The following ANO2 variants were observed in gnomAD, a reference collection of about 807,000 sequenced individuals.
The protein encoded by ANO2 is anoctamin-2.
ANO2 carries 101 observed loss-of-function variants against 124.2 expected under a neutral mutation model. The ratio of observed to expected loss-of-function variants is 0.81; its 90% CI spans 0.69 to 0.96. The LOEUF (loss-of-function observed/expected upper bound fraction) is 0.96, where lower values mean the gene tolerates loss of function less well. Ranked by LOEUF, ANO2 falls within the 40% of genes least tolerant of loss-of-function variation. The probability of loss-of-function intolerance (pLI) is 0.00; values close to 1 mark genes in which losing one functional copy is unlikely to be tolerated. For missense variants in ANO2, 1,293 were observed against 1,274.5 expected (o/e 1.01, Z -0.22); for synonymous variants, 486 against 482.5 (o/e 1.01, Z -0.09).
At chr12:5,579,978 T>C (rs1942649074) in intron 20 of ANO2, among the ~76,000 whole-genome samples, 1 of 152,204 alleles carries the variant, frequency 6.6e-6, no homozygotes, top group Non-Finnish European at 1.5e-5. Context: ...GCCATCACTG[T>C]GTGCTTCTGT....
intron 20 of ANO2, among the ~76,000 whole-genome samples, chr12:5,587,423 T>A (rs1193354845): frequency 6.6e-6 from 1 of 152,210 alleles, no homozygotes; most frequent in Non-Finnish European, 1.5e-5. Flanking sequence ...AAAAGTCAAA[T>A]GGCTGCAAGT....
chr12:5,855,513 G>T (rs1445635745), intron 3 of ANO2, among the ~76,000 whole-genome samples: 1 of 152,208 alleles, frequency 6.6e-6, no homozygotes, highest in African/African-American at 2.4e-5. Flanking sequence ...GCAGAAAAAT[G>T]AAGAATAAAC....
chr12:5,575,226 G>A (rs1231852479), intron 23 of ANO2, among the ~76,000 whole-genome samples: 1 of 152,142 alleles, frequency 6.6e-6, no homozygotes, highest in East Asian at 1.9e-4. Context: ...TTTCCTATCT[G>A]TTCTGCTTAT....
At chr12:5,816,151 T>TC (rs368348813) in intron 7 of ANO2, among the ~76,000 whole-genome samples, 70 of 48,280 alleles carry the variant, frequency 1.4e-3, no homozygotes, top group African/African-American at 3.3e-3. Context: ...TCTCTCTCTC[T>TC]TTTTTTTTTT....
intron 14 of ANO2, among the ~76,000 whole-genome samples, chr12:5,728,037 A>G (rs982898073): frequency 2.6e-5 from 4 of 152,034 alleles, no homozygotes; most frequent in African/African-American, 9.7e-5. Flanking sequence ...CCATCTCTTG[A>G]CCTCATGATC....
chr12:5,821,879 G>A (rs1591656652), intron 7 of ANO2, among the ~76,000 whole-genome samples: 1 of 152,178 alleles, frequency 6.6e-6, no homozygotes, highest in African/African-American at 2.4e-5. Context: ...TAAGTTACAT[G>A]AGAAAGTGGC....
intron 3 of ANO2, among the ~76,000 whole-genome samples, chr12:5,920,192 G>C (rs1941621299): frequency 6.6e-6 from 1 of 152,110 alleles, no homozygotes; most frequent in South Asian, 2.1e-4. Context: ...CCAGAGGTGA[G>C]AGTATCTATA....
chr12:5,690,839 CAG>C, intron 14 of ANO2, among the ~76,000 whole-genome samples: 1 of 152,250 alleles, frequency 6.6e-6, no homozygotes, highest in African/African-American at 2.4e-5. Context: ...CCAACAAAAA[CAG>C]AAATCTAATA....
chr12:5,647,615 C>A, intron 15 of ANO2, 112 bp downstream of exon 15: 1 of 910,068 alleles, frequency 1.1e-6, no homozygotes, highest in African/African-American at 1.6e-5. Flanking sequence ...ACTGTGGCTT[C>A]CCCTTTACCA....
chr12:5,806,771 T>C (rs1056477207), intron 8 of ANO2, among the ~76,000 whole-genome samples: 6 of 152,248 alleles, frequency 3.9e-5, no homozygotes, highest in African/African-American at 1.4e-4. Context: ...GTACAAGGAA[T>C]TCTGAGAGAT....
chr12:5,944,232 C>CA (rs1232460535), intron 1 of ANO2, among the ~76,000 whole-genome samples: 5 of 152,164 alleles, frequency 3.3e-5, no homozygotes, highest in Non-Finnish European at 4.4e-5. Context: ...GGTGGAGGGC[C>CA]AAGAGGACCA....
At chr12:5,689,039 A>G (rs1415172919) in intron 14 of ANO2, among the ~76,000 whole-genome samples, 1 of 152,142 alleles carries the variant, frequency 6.6e-6, no homozygotes, top group Non-Finnish European at 1.5e-5. Flanking sequence ...AAGATAACTA[A>G]TTATTAATTA....
At chr12:5,705,519 T>A (rs1468034875) in intron 14 of ANO2, among the ~76,000 whole-genome samples, 1 of 152,174 alleles carries the variant, frequency 6.6e-6, no homozygotes, top group African/African-American at 2.4e-5. Context: ...CCAGATGTAC[T>A]CATCCATAGG....
chr12:5,865,118 C>T (rs1406706099), intron 3 of ANO2, among the ~76,000 whole-genome samples: 2 of 152,194 alleles, frequency 1.3e-5, no homozygotes, highest in Non-Finnish European at 2.9e-5. Flanking sequence ...TATGCCCCTG[C>T]CTTCTCTTAG....
intron 7 of ANO2, among the ~76,000 whole-genome samples, chr12:5,808,384 A>G (rs1953271288): frequency 6.6e-6 from 1 of 152,100 alleles, no homozygotes; most frequent in African/African-American, 2.4e-5. Flanking sequence ...TTTTTTTCAG[A>G]GACTATAAAG....
At chr12:5,837,928 G>A (rs989309415) in intron 4 of ANO2, among the ~76,000 whole-genome samples, 1 of 151,694 alleles carries the variant, frequency 6.6e-6, no homozygotes, top group Non-Finnish European at 1.5e-5. Context: ...CCAGGAGCTG[G>A]TTTTTTGAAA....
intron 10 of ANO2, among the ~76,000 whole-genome samples, chr12:5,765,981 T>C (rs1190329800): frequency 6.6e-6 from 1 of 152,110 alleles, no homozygotes; most frequent in Non-Finnish European, 1.5e-5. Flanking sequence ...ATCAGGGAAA[T>C]ACAAATTAAA....
At chr12:5,576,071 T>C in intron 22 of ANO2, 56 bp from the exon 23 acceptor site, 2 of 1,494,052 alleles carry the variant, frequency 1.3e-6, no homozygotes, top group South Asian at 1.3e-5. Context: ...AAAAGGACTG[T>C]CCACTCTTAG....
intron 19 of ANO2, among the ~76,000 whole-genome samples, chr12:5,602,714 T>G (rs367567494): frequency 6.6e-6 from 1 of 152,148 alleles, no homozygotes; most frequent in Non-Finnish European, 1.5e-5. Context: ...CAGCAAAACA[T>G]ATCGTCATGA....
Sources: gnomAD v4.1 joint callset for allele counts (sites outside exome capture counted in the v4.1 genomes callset) on GRCh38, gnomAD v4.1.1 for gene constraint, MANE v1.5 for transcripts, NCBI Gene and HGNC (gene_info 2026-07-23, HGNC 2026-07-21) for gene names.